The following SORCS1 variants were observed in gnomAD, a reference collection of about 807,000 sequenced individuals.
The protein encoded by SORCS1 is VPS10 domain-containing receptor SorCS1.
A neutral mutation model predicts 146.1 loss-of-function variants in SORCS1; 60 were observed. That is an observed-to-expected ratio of 0.41 (90% CI 0.33 to 0.51). The LOEUF (loss-of-function observed/expected upper bound fraction) is 0.51, where lower values mean the gene tolerates loss of function less well. Among genes scored for constraint, SORCS1 ranks in the 20% least tolerant of loss-of-function variants. SORCS1 has a pLI of 0.21. For synonymous variants in SORCS1, 637 were observed against 584.0 expected, an observed-to-expected ratio of 1.09 and a Z score of -1.31; for missense variants, 1,352 against 1,487.6, an observed-to-expected ratio of 0.91 and a Z score of 1.50.
chr10:107,023,202 T>C (rs1450044836), intron 1 of SORCS1, among the ~76,000 whole-genome samples: 2 of 152,206 alleles, frequency 1.3e-5, no homozygotes, highest in African/African-American at 4.8e-5. Context: ...TGGTGTGCTA[T>C]TGCAGAATCA....
intron 23 of SORCS1, among the ~76,000 whole-genome samples, chr10:106,597,673 T>C (rs1407372582): frequency 6.6e-6 from 1 of 152,200 alleles, no homozygotes; most frequent in Admixed American, 6.5e-5. Flanking sequence ...TAGAAGAAAC[T>C]ATTAGTGAAT....
chr10:107,142,390 C>T (rs1447953493), intron 1 of SORCS1, among the ~76,000 whole-genome samples: 5 of 152,206 alleles, frequency 3.3e-5, no homozygotes, highest in African/African-American at 1.2e-4. Flanking sequence ...TGTTCAACTA[C>T]ACTCCAAAAT....
intron 6 of SORCS1, among the ~76,000 whole-genome samples, chr10:106,728,571 C>A (rs1474809903): frequency 2.0e-5 from 3 of 152,178 alleles, no homozygotes; most frequent in Non-Finnish European, 4.4e-5. Flanking sequence ...TTCACTCCCC[C>A]AAAAGGGAAA....
chr10:106,878,764 A>T (rs1342221643), intron 2 of SORCS1, among the ~76,000 whole-genome samples: 2 of 150,734 alleles, frequency 1.3e-5, no homozygotes, highest in African/African-American at 4.9e-5. Flanking sequence ...AATTTTACAT[A>T]TAAAAATTTC....
chr10:106,849,286 T>A (rs921464338), intron 2 of SORCS1, among the ~76,000 whole-genome samples: 1 of 150,684 alleles, frequency 6.6e-6, no homozygotes, highest in African/African-American at 2.4e-5. Context: ...TGCTCATTTC[T>A]TTTTATTCTT....
intron 4 of SORCS1, among the ~76,000 whole-genome samples, chr10:106,762,799 T>C (rs533797594): frequency 1.7e-3 from 262 of 152,118 alleles, no homozygotes; most frequent in Non-Finnish European, 3.0e-3. Context: ...GGGTGACAAC[T>C]CCCCTCATAG....
At chr10:106,608,424 T>A (rs978450725) in intron 22 of SORCS1, among the ~76,000 whole-genome samples, 3 of 152,236 alleles carry the variant, frequency 2.0e-5, no homozygotes, top group Non-Finnish European at 4.4e-5. Flanking sequence ...TAGGTGATTA[T>A]TTGTTTTTGA....
At chr10:106,665,961 C>T (rs905365814) in intron 17 of SORCS1, among the ~76,000 whole-genome samples, 5 of 152,150 alleles carry the variant, frequency 3.3e-5, no homozygotes, top group African/African-American at 1.2e-4. Flanking sequence ...CTGCCTCAGC[C>T]TCCCAAGTAG....
chr10:106,789,079 C>A (rs1056894298), intron 3 of SORCS1, among the ~76,000 whole-genome samples: 1 of 152,206 alleles, frequency 6.6e-6, no homozygotes, highest in African/African-American at 2.4e-5. Flanking sequence ...GGACTTGCAC[C>A]CTCCACAGCA....
At chr10:106,967,420 T>C (rs1415454350) in intron 1 of SORCS1, among the ~76,000 whole-genome samples, 1 of 152,102 alleles carries the variant, frequency 6.6e-6, no homozygotes, top group African/African-American at 2.4e-5. Flanking sequence ...ACCAAATAGC[T>C]GCACCAATGT....
At chr10:107,061,951 A>C (rs1349149878) in intron 1 of SORCS1, among the ~76,000 whole-genome samples, 3 of 152,172 alleles carry the variant, frequency 2.0e-5, no homozygotes, top group African/African-American at 7.2e-5. Flanking sequence ...ACCTTTATTG[A>C]GATTTTACTC....
chr10:106,598,393 T>C lies in SORCS1; in HGVS notation c.3166-943A>G, dbSNP rs906090628. On this transcript the variant is annotated intron_variant, in intron 23 of 25. Transcript: ENST00000263054. ...TCTCCTGCCTCAGCCTCCTGAGTAG[T>C]TGGGACTACAGGCGTAAGCCAACAC... Among the ~76,000 whole-genome samples, 5 of 151,886 alleles carry C rather than the reference T, an allele frequency of 3.3e-5. No individual in the cohort carries two copies. The South Asian group carries it at 1.0e-3, about 32-fold the overall frequency.
At chr10:106,749,670 T>A (rs972469525) in intron 5 of SORCS1, among the ~76,000 whole-genome samples, 1 of 152,236 alleles carries the variant, frequency 6.6e-6, no homozygotes, top group Non-Finnish European at 1.5e-5. Flanking sequence ...AAAATTCCCA[T>A]TGAAAATATA....
chr10:106,694,747 C>A (rs541885279), intron 9 of SORCS1, among the ~76,000 whole-genome samples: 1 of 152,250 alleles, frequency 6.6e-6, no homozygotes, highest in East Asian at 1.9e-4. Flanking sequence ...ACAGAACATG[C>A]CCTGGTCACT....
intron 2 of SORCS1, among the ~76,000 whole-genome samples, chr10:106,916,417 T>G (rs59445826): frequency 0.01 from 1,580 of 150,724 alleles, 27 homozygotes; most frequent in African/African-American, 0.035. Flanking sequence ...TATGTGTGTG[T>G]GGGGGTATAC....
At chr10:107,113,689 C>CAA (rs538551901) in intron 1 of SORCS1, among the ~76,000 whole-genome samples, 6 of 49,110 alleles carry the variant, frequency 1.2e-4, no homozygotes, top group Admixed American at 2.3e-4. Context: ...GACTCCATCT[C>CAA]AAAAAAAAAA....
At chr10:106,579,341 G>A (rs767624840) in intron 25 of SORCS1, 28 bp downstream of exon 25, 4 of 1,613,922 alleles carry the variant, frequency 2.5e-6, no homozygotes, top group African/African-American at 1.3e-5. Flanking sequence ...GGTCAGGGGT[G>A]GGGGAACGTG....
chr10:106,829,205 GA>G (rs1948430175), intron 3 of SORCS1, among the ~76,000 whole-genome samples: 1 of 152,132 alleles, frequency 6.6e-6, no homozygotes, highest in Admixed American at 6.5e-5. Context: ...CCATGTCAAG[GA>G]AAAACTGGGA....
intron 2 of SORCS1, among the ~76,000 whole-genome samples, chr10:106,940,991 C>T (rs961200267): frequency 6.6e-6 from 1 of 152,172 alleles, no homozygotes; most frequent in Non-Finnish European, 1.5e-5. Flanking sequence ...CTCTGGAGCT[C>T]GACTGGTTCA....
Sources: gnomAD v4.1 joint callset for allele counts (sites outside exome capture counted in the v4.1 genomes callset) on GRCh38, gnomAD v4.1.1 for gene constraint, MANE v1.5 for transcripts, NCBI Gene and HGNC (gene_info 2026-07-23, HGNC 2026-07-21) for gene names.